Variants in NEB observed in about 807,000 individuals in gnomAD.
NEB encodes nebulin.
Under a neutral mutation model 952.2 loss-of-function variants are expected in NEB, and 512 were observed. The observed-to-expected ratio is 0.54, with a 90% CI of 0.50 to 0.58. The LOEUF is 0.58. NEB is among the 20% of genes least tolerant of loss of function. NEB has a pLI of 0.00. For synonymous variants in NEB, 2,900 were observed against 3,149.8 expected, an observed-to-expected ratio of 0.92 and a Z score of 2.66; for missense variants, 8,428 against 9,231.1, an observed-to-expected ratio of 0.91 and a Z score of 3.56.
intron 54 of NEB, among the ~76,000 whole-genome samples, chr2:151,649,228 G>C (rs2099001201): frequency 6.6e-6 from 1 of 152,108 alleles, no homozygotes; most frequent in South Asian, 2.1e-4. Context: ...TAATGAAGCT[G>C]ACAGGTCAGC....
Position 151,609,934 on chromosome 2 carries a change from G to C in NEB, c.12205C>G (p.Leu4069Val). The change falls in exon 81 of 182, where the codon CTG (leucine) becomes GTG (valine). Residue 4069 changes from leucine to valine, a missense_variant. This residue lies in a region of NEB where 337 missense variants were observed against 297.5 expected (regional missense o/e 1.13). Coordinates refer to ENST00000397345, the MANE Select transcript of NEB (RefSeq NM_001164508.2). ...ACCAAAGTCTGACATTTCTTGGCCA[G>C]CAAGATGCTTAACATGTCCACTGGG... ...SSPVDMLSIL[L>V]AKKCQTLVTD... 1 of 1,613,932 alleles carries C rather than the reference G, an allele frequency of 6.2e-7. No individual in the cohort carries two copies. The highest frequency in any genetic ancestry group is 8.5e-7 in the Non-Finnish European group (1 of 1,179,866).
intron 34 of NEB, among the ~76,000 whole-genome samples, chr2:151,675,768 G>A (rs1426975858): frequency 7.2e-6 from 1 of 139,838 alleles, no homozygotes; most frequent in Non-Finnish European, 1.5e-5. Flanking sequence ...TAGAGAGAAA[G>A]TAGTAGTTAG....
At chr2:151,632,554 G>T (rs924083632) in intron 65 of NEB, among the ~76,000 whole-genome samples, 5 of 151,882 alleles carry the variant, frequency 3.3e-5, no homozygotes, top group South Asian at 2.1e-4. Context: ...GCAGCAGCCT[G>T]TAATTCCAGC....
intron 12 of NEB, among the ~76,000 whole-genome samples, chr2:151,708,002 C>G (rs559711349): frequency 6.6e-6 from 1 of 152,292 alleles, no homozygotes; most frequent in South Asian, 2.1e-4. Flanking sequence ...TACTCTCCCC[C>G]TACCCGCATC....
intron 71 of NEB, 117 bp from the exon 72 acceptor site, chr2:151,621,143 A>T: frequency 1.5e-6 from 1 of 665,666 alleles, no homozygotes; most frequent in South Asian, 2.0e-5. Flanking sequence ...TTCAGCCTTA[A>T]ATCAGAAAAA....
chr2:151,665,490 AC>A lies in NEB; in HGVS notation c.5080del (p.Val1694CysfsTer3). On this transcript the variant is annotated frameshift_variant, in exon 42 of 182. Coordinates refer to ENST00000397345, the MANE Select transcript of NEB (RefSeq NM_001164508.2). LOFTEE classifies it high-confidence loss of function. ...FTNWMKGIGWVPIESLEVEKA... is the reference protein window; with the variant it reads ...FTNWMKGIGWXPIESLEVEKA... The stretch of plus-strand genomic sequence containing the variant: ...CTCCACCTCCAGGGACTCTATGGGC[AC>A]CCAGCCGATCCCTTTCATCCAATTG... The A allele has an allele frequency of 6.2e-7, 1 of 1,610,418 alleles. No homozygotes were observed. The highest frequency in any genetic ancestry group is 8.5e-7 in the Non-Finnish European group (1 of 1,178,682).
Position 151,503,447 on chromosome 2 carries a change from GAA to G in NEB, c.23743-8_23743-7del. ...AAGTTTTCTTTGTACATAACCTGTA[GAA>G]AATAATTAGAATACCCAGAAAGGTA... On this transcript the variant is annotated splice_region_variant and splice_polypyrimidine_tract_variant and intron_variant, in intron 165 of 181. Transcript: ENST00000397345. 7.0e-6 allele frequency: 11 copies of G among 1,578,592 alleles called. No homozygotes were observed. Among genetic ancestry groups the G allele is most frequent in the Non-Finnish European group, 8.7e-6 (10 of 1,148,282 alleles).
intron 162 of NEB, 197 bp downstream of exon 162, chr2:151,507,808 T>G: frequency 1.5e-5 from 8 of 546,578 alleles, no homozygotes; most frequent in African/African-American, 1.9e-5. Context: ...AAGTAACAGA[T>G]GAGTCTTTCA....
At chr2:151,686,485 A>G (rs1300444589) in intron 27 of NEB, among the ~76,000 whole-genome samples, 2 of 152,240 alleles carry the variant, frequency 1.3e-5, no homozygotes, top group East Asian at 3.8e-4. Flanking sequence ...AGACTCAACT[A>G]GTGAACAAGA....
At chr2:151,640,211 A>C (rs2098829496) in intron 61 of NEB, 144 bp downstream of exon 61, 1 of 1,466,300 alleles carries the variant, frequency 6.8e-7, no homozygotes, top group African/African-American at 1.4e-5. Flanking sequence ...CTGAAGGGTT[A>C]AAGGATTAAA....
At chr2:151,491,185 C>G (rs923540242) in intron 179 of NEB, 1 of 158,278 alleles carries the variant, frequency 6.3e-6, no homozygotes, top group Non-Finnish European at 1.4e-5. Flanking sequence ...TGTACAACAC[C>G]ACTCGCGGCT....
At chr2:151,651,453 A>T (rs1305476615) in intron 52 of NEB, among the ~76,000 whole-genome samples, 1 of 152,138 alleles carries the variant, frequency 6.6e-6, no homozygotes, top group Non-Finnish European at 1.5e-5. Flanking sequence ...AAATAGCAGG[A>T]TCTTTTTGTG....
At chr2:151,653,174 G>A (rs573579322) in intron 52 of NEB, among the ~76,000 whole-genome samples, 1 of 152,252 alleles carries the variant, frequency 6.6e-6, no homozygotes, top group South Asian at 2.1e-4. Context: ...CAAAGATTTT[G>A]ATTAAGAGGT....
intron 121 of NEB, 47 bp downstream of exon 121, chr2:151,562,063 A>T (rs2096101839): frequency 6.9e-7 from 1 of 1,452,730 alleles, no homozygotes; most frequent in Non-Finnish European, 9.7e-7. Flanking sequence ...ACCACCATGG[A>T]TTCTGATGAC....
In NEB at chr2:151,502,885, C is replaced by CGGTTTT; in HGVS notation, c.23836-1_23836insAAAACC (p.Ser7945_Val7946insLysThr). On this transcript the variant is annotated inframe_insertion and splice_region_variant. Coordinates refer to ENST00000397345, the MANE Select transcript of NEB (RefSeq NM_001164508.2). Reference sequence around the variant, plus strand: ...TTCCCCAAATTTTCTTTGTACAAAACCTGTGAGATACAAGAAAGTACCCAG... The same window carrying CGGTTTT: ...TTCCCCAAATTTTCTTTGTACAAAACGGTTTTCTGTGAGATACAAGAAAGTACCCAG... The CGGTTTT allele has an allele frequency of 6.4e-7, 1 of 1,567,024 alleles. No homozygotes were observed. Among genetic ancestry groups the CGGTTTT allele is most frequent in the Non-Finnish European group, 8.7e-7 (1 of 1,143,740 alleles).
intron 18 of NEB, 79 bp from the exon 19 acceptor site, chr2:151,694,708 A>G (rs1354822069): frequency 5.8e-6 from 6 of 1,037,758 alleles, no homozygotes; most frequent in Non-Finnish European, 7.3e-6. Context: ...GGGTAACTAA[A>G]TACCTTATCT....
intron 24 of NEB, 196 bp downstream of exon 24, chr2:151,690,531 T>C (rs1247384972): frequency 1.4e-5 from 7 of 506,636 alleles, no homozygotes; most frequent in Non-Finnish European, 2.5e-5. Flanking sequence ...TATTTATTTT[T>C]ATTATTGTCT....
At chr2:151,698,124 C>G (rs1392589074) in intron 13 of NEB, among the ~76,000 whole-genome samples, 1 of 152,112 alleles carries the variant, frequency 6.6e-6, no homozygotes. Flanking sequence ...CAATCGAACA[C>G]GGAATGTCAT....
Position 151,535,808 on chromosome 2 carries a change from GA to G in NEB, c.21208-14del. On this transcript the variant is annotated splice_polypyrimidine_tract_variant and intron_variant, in intron 141 of 181. Transcript: ENST00000397345. ...CTTTATACTTATACTAGAAAAAACA[GA>G]ACATGGTTACTTGACAGCAGGCTAT... 1 of 1,445,534 alleles carries G rather than the reference GA, an allele frequency of 6.9e-7. No homozygotes were observed. Among genetic ancestry groups the G allele is most frequent in the Non-Finnish European group, 9.6e-7 (1 of 1,044,922 alleles). The allele number at this position is 1,445,534 out of a possible 1,614,324, so 89.5% of individuals were successfully genotyped here. A position where few individuals can be genotyped will look rare whatever the true frequency, so the allele number is the denominator to read the frequency against.
Sources: gnomAD v4.1 joint callset for allele counts (sites outside exome capture counted in the v4.1 genomes callset) on GRCh38, gnomAD v4.1.1 for gene constraint, gnomAD v4.1.1 regional missense constraint, MANE v1.5 for transcripts, NCBI Gene and HGNC (gene_info 2026-07-23, HGNC 2026-07-21) for gene names.